Variants in PCDHGC4 observed in about 807,000 individuals in gnomAD.
The protein encoded by PCDHGC4 is protocadherin gamma subfamily C, 4, also known as protocadherin gamma-C4.
In PCDHGC4, 15 loss-of-function variants were observed where a neutral mutation model predicts 59.7. The ratio of observed to expected loss-of-function variants is 0.25; its 90% CI spans 0.17 to 0.39. PCDHGC4 has a LOEUF of 0.39. Ranked by LOEUF, PCDHGC4 falls within the 10% of genes least tolerant of loss-of-function variation. The probability of loss-of-function intolerance (pLI) is 1.00; values close to 1 mark genes in which losing one functional copy is unlikely to be tolerated. For synonymous variants in PCDHGC4, 434 were observed against 481.4 expected (o/e 0.90, Z 1.29); for missense variants, 1,016 against 1,189.5 (o/e 0.85, Z 2.15).
At position 141,512,574 on chromosome 5, in the gene PCDHGC4, C is replaced by T. The variant is rs1429371202; in HGVS notation, c.*1401C>T. 6.5e-6 allele frequency: 1 copy of T among 152,884 alleles called. No homozygotes were observed. Among genetic ancestry groups the T allele is most frequent in the Non-Finnish European group, 1.5e-5 (1 of 68,502 alleles). The allele number at this position is 152,884 out of a possible 1,614,324, so 9.5% of individuals were successfully genotyped here. On this transcript the variant is annotated 3_prime_UTR_variant, in exon 4 of 4. Coordinates refer to ENST00000306593, the MANE Select transcript of PCDHGC4 (RefSeq NM_018928.3). ...GTGCATAGACCTTCTTCTCCCACCCCCTTCTGCCCCTGGGTCCCCGGCCAT... is the reference window on the plus strand; with the variant it reads ...GTGCATAGACCTTCTTCTCCCACCCTCTTCTGCCCCTGGGTCCCCGGCCAT...
In PCDHGC4 at chr5:141,491,893, G is replaced by C. The variant is rs2099734820; in HGVS notation, c.2443-2914G>C. The C allele has an allele frequency of 6.9e-7, 1 of 1,438,856 alleles. No individual in the cohort carries two copies. The highest frequency in any genetic ancestry group is 9.2e-7 in the Non-Finnish European group (1 of 1,088,104). 89.1% of individuals were successfully genotyped at this position (1,438,856 alleles called of 1,614,324 possible). A position where few individuals can be genotyped will look rare whatever the true frequency, so the allele number is the denominator to read the frequency against. ...GGCCGATTAAGGGATGGGGCTCCGA[G>C]CACCGGGGGTGGTGGCGACTGTGGG... On this transcript the variant is annotated intron_variant, in intron 1 of 3. Coordinates refer to ENST00000306593, the MANE Select transcript of PCDHGC4 (RefSeq NM_018928.3). The surrounding 1 kb of genome is among the most constrained non-coding windows in gnomAD (Gnocchi z 6.9).
chr5:141,500,365 C>T (rs888624200), intron 2 of PCDHGC4, among the ~76,000 whole-genome samples: 5 of 151,956 alleles, frequency 3.3e-5, no homozygotes, highest in South Asian at 2.1e-4. Flanking sequence ...CCCACTACCA[C>T]GCCCGGCTAA....
Position 141,491,755 on chromosome 5 carries a change from G to A in PCDHGC4, c.2443-3052G>A. On this transcript the variant is annotated intron_variant, in intron 1 of 3. Transcript: ENST00000306593. This position sits in a 1 kb window ranked among gnomAD's most constrained non-coding sequence, Gnocchi z 6.9. Reference sequence around the variant, plus strand: ...CCCTGGGGGCGGCACTGGAGAAGCCGCCCGTCCTCATAAGGGATTGAACTT... The same window carrying A: ...CCCTGGGGGCGGCACTGGAGAAGCCACCCGTCCTCATAAGGGATTGAACTT... 6 of 1,582,196 alleles carry A rather than the reference G, an allele frequency of 3.8e-6. No individual in the cohort carries two copies. The highest frequency in any genetic ancestry group is 5.1e-6 in the Non-Finnish European group (6 of 1,165,450).
intron 2 of PCDHGC4, among the ~76,000 whole-genome samples, chr5:141,503,598 C>CAAAAAAA (rs765754054): frequency 1.5e-5 from 1 of 65,730 alleles, no homozygotes; most frequent in Non-Finnish European, 3.4e-5. Flanking sequence ...GACTCCAGCT[C>CAAAAAAA]AAAAAAAAAA....
chr5:141,492,859 C>T (rs966216924), intron 1 of PCDHGC4, among the ~76,000 whole-genome samples: 1 of 152,232 alleles, frequency 6.6e-6, no homozygotes, highest in Non-Finnish European at 1.5e-5. Flanking sequence ...CTCGAGCGCC[C>T]TGGCTCTCAA....
rs1330257915 is a variant in PCDHGC4 at position 141,486,153 on chromosome 5, C to T, written c.980C>T (p.Ser327Phe). ...EFDVRARDGG[S>F]PAMEQHCSLR... Reference sequence around the variant, plus strand: ...GATGTGCGGGCTCGCGATGGGGGTTCTCCAGCCATGGAGCAACATTGCAGC... The same window carrying T: ...GATGTGCGGGCTCGCGATGGGGGTTTTCCAGCCATGGAGCAACATTGCAGC... The change falls in exon 1 of 4, where the codon TCT becomes TTT. Residue 327 changes from serine to phenylalanine, a missense_variant. Ser to Phe is a radical substitution (Grantham distance 155). Transcript: ENST00000306593. This position sits in a 1 kb window ranked among gnomAD's most constrained non-coding sequence, Gnocchi z 5.0. 1 of 1,614,084 alleles carries T rather than the reference C, an allele frequency of 6.2e-7. No homozygotes were observed. Among genetic ancestry groups the T allele is most frequent in the Non-Finnish European group, 8.5e-7 (1 of 1,180,036 alleles).
In PCDHGC4 at chr5:141,511,032, G is replaced by C. The variant is rs779589499; in HGVS notation, c.2676G>C (p.Gln892His). Residue 892 changes from glutamine to histidine, a missense_variant, in exon 4 of 4, where the codon CAG (glutamine) becomes CAC (histidine). Gln to His is a conservative substitution (Grantham distance 24). Coordinates refer to ENST00000306593, the MANE Select transcript of PCDHGC4 (RefSeq NM_018928.3). ...SARYGPQFTL[Q>H]HVPDYRQNVY... ...GCTACGGACCCCAGTTCACCCTGCA[G>C]CACGTGCCCGACTACCGCCAGAATG... 6.2e-7 allele frequency: 1 copy of C among 1,614,228 alleles called. No individual in the cohort carries two copies. The highest frequency in any genetic ancestry group is 8.5e-7 in the Non-Finnish European group (1 of 1,180,036).
chr5:141,496,888 T>TA (rs35063790), intron 2 of PCDHGC4, among the ~76,000 whole-genome samples: 34,968 of 133,936 alleles, frequency 0.26, 4,377 homozygotes, highest in Admixed American at 0.34. Flanking sequence ...AAGTAACACT[T>TA]AAAAAAAAAA....
At position 141,486,927 on chromosome 5, in the gene PCDHGC4, G is replaced by T. The variant is rs2099637231; in HGVS notation, c.1754G>T (p.Gly585Val). The change falls in exon 1 of 4, where the codon GGT becomes GTT. Residue 585 changes from glycine to valine, a missense_variant. Transcript: ENST00000306593. The surrounding 1 kb of genome is among the most constrained non-coding windows in gnomAD (Gnocchi z 5.0). ...CCCCAAGCACTGCCTCCATCAGTTG[G>T]TGCTGGCCACCTAATCACAAAGGTG... ...LCPQALPPSVGAGHLITKVTA... is the reference protein window; with the variant it reads ...LCPQALPPSVVAGHLITKVTA... 1 of 1,614,108 alleles carries T rather than the reference G, an allele frequency of 6.2e-7. No homozygotes were observed. Among genetic ancestry groups the T allele is most frequent in the Non-Finnish European group, 8.5e-7 (1 of 1,180,054 alleles).
chr5:141,509,765 T>G (rs1312823974), intron 3 of PCDHGC4, among the ~76,000 whole-genome samples: 2 of 152,120 alleles, frequency 1.3e-5, no homozygotes, highest in Non-Finnish European at 1.5e-5. Flanking sequence ...GTCCCTGAGA[T>G]GTCTAGTCCC....
chr5:141,489,178 C>T lies in PCDHGC4; in HGVS notation c.2442+1563C>T, dbSNP rs909255357. ...GAGACTTCAGCTGCTGCATTCCAAG[C>T]CCTGGGTCTACCTTGGAGACAGGAC... On this transcript the variant is annotated intron_variant, in intron 1 of 3. Transcript: ENST00000306593. This position sits in a 1 kb window ranked among gnomAD's most constrained non-coding sequence, Gnocchi z 4.5. 54 of 1,234,872 alleles carry T rather than the reference C, an allele frequency of 4.4e-5. 1 individual carries two copies. In the East Asian group the frequency reaches 1.2e-3, roughly 29 times the overall value. 76.5% of individuals were successfully genotyped at this position (1,234,872 alleles called of 1,614,324 possible). A position where few individuals can be genotyped will look rare whatever the true frequency, so the allele number is the denominator to read the frequency against.
At position 141,511,349 on chromosome 5, in the gene PCDHGC4, C is replaced by CG; in HGVS notation, c.*176_*177insG. On this transcript the variant is annotated 3_prime_UTR_variant, in exon 4 of 4. Coordinates refer to ENST00000306593, the MANE Select transcript of PCDHGC4 (RefSeq NM_018928.3). The stretch of plus-strand genomic sequence containing the variant: ...GCCCAGTCAGCACCTACCCCTTCCC[C>CG]CCCAGGGGGTTGAATATGCAAAAGC... 7.1e-7 allele frequency: 1 copy of CG among 1,401,498 alleles called. No homozygotes were observed. Among genetic ancestry groups the CG allele is most frequent in the African/African-American group, 1.5e-5 (1 of 68,948 alleles). 86.8% of individuals were successfully genotyped at this position (1,401,498 alleles called of 1,614,324 possible).
rs2099648980 is a variant in PCDHGC4 at position 141,487,537 on chromosome 5, G to A, written c.2364G>A (p.Val788=). The part of the protein sequence containing the change: ...APTRSDSFMM[V]KSPSAPMAGE... ...CTCGGAGTGATAGCTTCATGATGGT[G>A]AAGTCACCCAGTGCACCTATGGCAG... The change falls in exon 1 of 4, where the codon GTG becomes GTA. Residue 788 remains valine, a synonymous_variant. Transcript: ENST00000306593. The surrounding 1 kb of genome is among the most constrained non-coding windows in gnomAD (Gnocchi z 5.0). The A allele has an allele frequency of 1.2e-6, 2 of 1,614,188 alleles. No individual in the cohort carries two copies. Among genetic ancestry groups the A allele is most frequent in the Admixed American group, 1.7e-5 (1 of 60,028 alleles).
chr5:141,494,762 A>G (rs770570158), intron 1 of PCDHGC4, 45 bp from the exon 2 acceptor site: 1 of 1,613,200 alleles, frequency 6.2e-7, no homozygotes, highest in South Asian at 1.1e-5. Flanking sequence ...TGACATTCTA[A>G]CTTCTCACGG....
rs1403789987 is a variant in PCDHGC4 at position 141,511,845 on chromosome 5, T to C, written c.*672T>C. The C allele has an allele frequency of 6.4e-6, 1 of 156,740 alleles. No individual in the cohort carries two copies. The highest frequency in any genetic ancestry group is 1.4e-5 in the Non-Finnish European group (1 of 70,694). 9.7% of individuals were successfully genotyped at this position (156,740 alleles called of 1,614,324 possible). A position where few individuals can be genotyped will look rare whatever the true frequency, so the allele number is the denominator to read the frequency against. On this transcript the variant is annotated 3_prime_UTR_variant, in exon 4 of 4. Transcript: ENST00000306593. ...AACGCCCTGGGGACCAGTCTTCTGT[T>C]TTGTTTTTCATTGTTTGACGTTTCC...
chr5:141,486,400 T>G lies in PCDHGC4; in HGVS notation c.1227T>G (p.Thr409=). The change falls in exon 1 of 4, where the codon ACT becomes ACG. Residue 409 remains threonine (T), a synonymous_variant. Transcript: ENST00000306593. This position sits in a 1 kb window ranked among gnomAD's most constrained non-coding sequence, Gnocchi z 5.0. ...SAFRNQFSLV[T]AGPLDREAKS... Reference sequence around the variant, plus strand: ...TCAGGAACCAGTTCTCCCTGGTGACTGCTGGACCCTTGGATCGAGAGGCCA... The same window carrying G: ...TCAGGAACCAGTTCTCCCTGGTGACGGCTGGACCCTTGGATCGAGAGGCCA... 5.0e-6 allele frequency: 8 copies of G among 1,614,194 alleles called. No homozygotes were observed. The highest frequency in any genetic ancestry group is 6.8e-6 in the Non-Finnish European group (8 of 1,180,028).
chr5:141,488,437 C>A (rs1327345486), intron 1 of PCDHGC4, among the ~76,000 whole-genome samples: 2 of 152,210 alleles, frequency 1.3e-5, no homozygotes, highest in Non-Finnish European at 2.9e-5. Context: ...CCTCTGACCA[C>A]CCTCCTGGGT....
chr5:141,500,188 A>T (rs182086759), intron 2 of PCDHGC4, among the ~76,000 whole-genome samples: 173 of 98,190 alleles, frequency 1.8e-3, no homozygotes, highest in African/African-American at 4.0e-3. Flanking sequence ...TTTTATTTTT[A>T]TTTATTTATT....
chr5:141,493,560 C>T lies in PCDHGC4; in HGVS notation c.2443-1247C>T, dbSNP rs1222578153. ...TTATCCTTTTGGAGATTGAGTTCCCCCAGCTCCGTTTCCTCCTATCACAAT... is the reference window on the plus strand; with the variant it reads ...TTATCCTTTTGGAGATTGAGTTCCCTCAGCTCCGTTTCCTCCTATCACAAT... On this transcript the variant is annotated intron_variant, in intron 1 of 3. Transcript: ENST00000306593. The surrounding 1 kb of genome is among the most constrained non-coding windows in gnomAD (Gnocchi z 4.3). Among the ~76,000 whole-genome samples, 4 of 152,162 alleles carry T rather than the reference C, an allele frequency of 2.6e-5. No individual in the cohort carries two copies. The highest frequency in any genetic ancestry group is 2.1e-4 in the South Asian group (1 of 4,830).
Sources: gnomAD v4.1 joint callset for allele counts (sites outside exome capture counted in the v4.1 genomes callset) on GRCh38, gnomAD v4.1.1 for gene constraint, Gnocchi (gnomAD v3.1) non-coding constraint, MANE v1.5 for transcripts, NCBI Gene and HGNC (gene_info 2026-07-23, HGNC 2026-07-21) for gene names.